TLL2: variants seen among roughly 807,000 people sequenced by gnomAD.
TLL2 encodes tolloid-like protein 2.
In TLL2, 106 loss-of-function variants were observed where a neutral mutation model predicts 123.0. That is an observed-to-expected ratio of 0.86 (90% CI 0.74 to 1.01). The LOEUF (loss-of-function observed/expected upper bound fraction) is 1.01, where lower values mean the gene tolerates loss of function less well. Ranked by LOEUF, TLL2 falls within the 50% of genes least tolerant of loss-of-function variation. The pLI is 0.00. For missense variants in TLL2, 1,332 were observed against 1,336.7 expected (o/e 1.00, Z 0.06); for synonymous variants, 494 against 516.8 (o/e 0.96, Z 0.60).
intron 1 of TLL2, among the ~76,000 whole-genome samples, chr10:96,501,342 C>T (rs1344358347): frequency 6.6e-6 from 1 of 152,180 alleles, no homozygotes; most frequent in Admixed American, 6.5e-5. Flanking sequence ...GGACCCCTCC[C>T]ACCCACAGAG....
chr10:96,368,055 A>T lies in TLL2; in HGVS notation c.*33T>A, dbSNP rs1846045863. On this transcript the variant is annotated 3_prime_UTR_variant, in exon 21 of 21. Coordinates refer to ENST00000357947, the MANE Select transcript of TLL2 (RefSeq NM_012465.4). ...TTAAAAACAAAACAAAACAAAAAAA[A>T]TTCTCAGTTTCTGTCTTTCAAGAAC... The T allele has an allele frequency of 6.2e-7, 1 of 1,609,828 alleles. No homozygotes were observed. Among genetic ancestry groups the T allele is most frequent in the Non-Finnish European group, 8.5e-7 (1 of 1,177,336 alleles).
In TLL2 at chr10:96,373,751, A is replaced by C; in HGVS notation, c.2507T>G (p.Met836Arg). The change falls in exon 19 of 21, where the codon ATG becomes AGG. Residue 836 changes from methionine (M) to arginine (R), a missense_variant. Physicochemically the swap from Met to Arg is moderately conservative, Grantham distance 91. Coordinates refer to ENST00000357947, the MANE Select transcript of TLL2 (RefSeq NM_012465.4). ...HQECAYDHLE[M>R]YDGPDSLAPI... ...GGCCAGGCTGTCCGGCCCGTCATAC[A>C]TTTCCAGGTGGTCATAGGCACATTC... 1.2e-6 allele frequency: 2 copies of C among 1,614,210 alleles called. No homozygotes were observed. Among genetic ancestry groups the C allele is most frequent in the South Asian group, 1.1e-5 (1 of 91,078 alleles).
rs546675600 is a variant in TLL2, at chr10:96,513,843, G to C, written c.-158C>G. ...AGGCGCGGAGCAAGCGGAGCGCGGC[G>C]CCCCCTGTCTTCGTCGAGGCAACCG... On this transcript the variant is annotated 5_prime_UTR_variant, in exon 1 of 21. Transcript: ENST00000357947. The C allele has an allele frequency of 7.5e-6, 6 of 799,470 alleles. No individual in the cohort carries two copies. In the South Asian group the frequency reaches 1.3e-4, roughly 17 times the overall value. The allele number at this position is 799,470 out of a possible 1,614,324, so 49.5% of individuals were successfully genotyped here. A position where few individuals can be genotyped will look rare whatever the true frequency, so the allele number is the denominator to read the frequency against.
intron 2 of TLL2, among the ~76,000 whole-genome samples, chr10:96,474,280 G>A (rs977256654): frequency 3.9e-5 from 6 of 152,104 alleles, no homozygotes; most frequent in Non-Finnish European, 7.4e-5. Context: ...TGGGCCCATC[G>A]GAGAATGGGG....
rs762651565 is a variant in TLL2, at chr10:96,384,723, G to A, written c.2058C>T (p.Pro686=). 1.4e-5 allele frequency: 22 copies of A among 1,610,348 alleles called. No individual in the cohort carries two copies. The highest frequency in any genetic ancestry group is 2.2e-5 in the East Asian group (1 of 44,700). ...DFVEVRSGLS[P]DAKLHGRFCG... ...AGAACCTGCCGTGCAGCTTGGCGTC[G>A]GGGGACAGGCCGCTGCGCACCTCTA... Residue 686 remains proline, a synonymous_variant, in exon 16 of 21, where the codon CCC becomes CCT. Coordinates refer to ENST00000357947, the MANE Select transcript of TLL2 (RefSeq NM_012465.4).
chr10:96,430,657 C>T (rs1170658782), intron 4 of TLL2, among the ~76,000 whole-genome samples: 1 of 152,210 alleles, frequency 6.6e-6, no homozygotes, highest in Admixed American at 6.5e-5. Context: ...AGGTGGATCC[C>T]TTAAGCTCAG....
At chr10:96,399,487 C>G (rs1846373047) in intron 10 of TLL2, among the ~76,000 whole-genome samples, 1 of 152,136 alleles carries the variant, frequency 6.6e-6, no homozygotes, top group Admixed American at 6.5e-5. Context: ...TCCTCTGCTT[C>G]CTTCCAATTC....
At chr10:96,455,549 C>T (rs1045619579) in intron 2 of TLL2, among the ~76,000 whole-genome samples, 9 of 151,774 alleles carry the variant, frequency 5.9e-5, no homozygotes, top group South Asian at 2.1e-4. Context: ...GGAAAGAAGC[C>T]GGCCCAAACC....
At position 96,395,281 on chromosome 10, in the gene TLL2, C is replaced by T. The variant is rs912653936; in HGVS notation, c.1632G>A (p.Pro544=). ...TGTTGGAGCTCGATTTCACATCCTCCGGCTTCTCATAGCCACAAAAGTGGC... is the reference window on the plus strand; with the variant it reads ...TGTTGGAGCTCGATTTCACATCCTCTGGCTTCTCATAGCCACAAAAGTGGC... ...LIGHFCGYEK[P]EDVKSSSNRL... The change falls in exon 13 of 21, where the codon CCG becomes CCA. Residue 544 remains proline, a synonymous_variant. Coordinates refer to ENST00000357947, the MANE Select transcript of TLL2 (RefSeq NM_012465.4). The T allele has an allele frequency of 9.3e-6, 15 of 1,613,902 alleles. No homozygotes were observed. The highest frequency in any genetic ancestry group is 3.3e-5 in the Admixed American group (2 of 59,986).
chr10:96,466,801 G>A (rs561940478), intron 2 of TLL2, among the ~76,000 whole-genome samples: 1 of 152,222 alleles, frequency 6.6e-6, no homozygotes, highest in Non-Finnish European at 1.5e-5. Flanking sequence ...AATCAGTAAT[G>A]TATGCAGCAG....
In TLL2 at chr10:96,370,131, G is replaced by A. The variant is rs1846066230; in HGVS notation, c.2847C>T (p.Asp949=). The part of the protein sequence containing the change: ...EVEEEADCGY[D]YMEAYDGYDS... ...CGTAGCCGTCGTAGGCTTCCATGTA[G>A]TCGTAGCCGCAGTCGGCCTCCTCCT... Residue 949 remains aspartate, a synonymous_variant, in exon 20 of 21, where the codon GAC becomes GAT. Transcript: ENST00000357947. 1.2e-6 allele frequency: 2 copies of A among 1,613,928 alleles called. No homozygotes were observed. Among genetic ancestry groups the A allele is most frequent in the Admixed American group, 3.3e-5 (2 of 60,002 alleles).
In TLL2 at chr10:96,373,786, C is replaced by G. The variant is rs758641828; in HGVS notation, c.2472G>C (p.Glu824Asp). The change falls in exon 19 of 21, where the codon GAG becomes GAC. Residue 824 changes from glutamate (E) to aspartate (D), a missense_variant. By Grantham distance (45) the Glu-to-Asp change is conservative (BLOSUM62 2). Transcript: ENST00000357947. ...VKLTFNEFEI[E>D]QHQECAYDHL... ...GGTCATAGGCACATTCCTGGTGCTG[C>G]TCGATCTCAAACTCATTAAAGGTCT... The G allele has an allele frequency of 6.2e-7, 1 of 1,613,944 alleles. No individual in the cohort carries two copies. The highest frequency in any genetic ancestry group is 8.5e-7 in the Non-Finnish European group (1 of 1,180,058).
chr10:96,482,151 C>G (rs1021081798), intron 1 of TLL2, among the ~76,000 whole-genome samples: 1 of 151,662 alleles, frequency 6.6e-6, no homozygotes, highest in African/African-American at 2.4e-5. Flanking sequence ...CCAGCTACTC[C>G]AGAGGCTGAG....
rs780941977 is a variant in TLL2, at chr10:96,395,284, C to T, written c.1629G>A (p.Lys543=). Residue 543 remains lysine, a synonymous_variant, in exon 13 of 21, where the codon AAG becomes AAA. Coordinates refer to ENST00000357947, the MANE Select transcript of TLL2 (RefSeq NM_012465.4). ...TGGAGCTCGATTTCACATCCTCCGG[C>T]TTCTCATAGCCACAAAAGTGGCCGA... The part of the protein sequence containing the change: ...ALIGHFCGYE[K]PEDVKSSSNR... 3.7e-6 allele frequency: 6 copies of T among 1,614,100 alleles called. No individual in the cohort carries two copies. Among genetic ancestry groups the T allele is most frequent in the South Asian group, 2.2e-5 (2 of 91,054 alleles).
At chr10:96,470,645 A>C (rs1012274034) in intron 2 of TLL2, among the ~76,000 whole-genome samples, 5 of 152,140 alleles carry the variant, frequency 3.3e-5, no homozygotes, top group African/African-American at 1.2e-4. Context: ...CTGTTTCTAG[A>C]AGCAATGGAG....
intron 19 of TLL2, 38 bp downstream of exon 19, chr10:96,373,558 T>G: frequency 6.3e-7 from 1 of 1,587,462 alleles, no homozygotes; most frequent in Non-Finnish European, 8.6e-7. Context: ...CCTGTCCAAG[T>G]GCTCATCAGG....
chr10:96,370,242 G>C lies in TLL2; in HGVS notation c.2736C>G (p.Asn912Lys). The change falls in exon 20 of 21, where the codon AAC becomes AAG. Residue 912 changes from asparagine to lysine, a missense_variant. Asn to Lys is a moderately conservative substitution (Grantham distance 94). Transcript: ENST00000357947. The stretch of plus-strand genomic sequence containing the variant: ...AGTCACAGCGGGCCTCGCTCGGGTA[G>C]TTGTTGTCCCCAAACTGGGCGTGGG... Reference protein sequence around the residue: ...LYSHAQFGDNNYPSEARCDWV... With the variant: ...LYSHAQFGDNKYPSEARCDWV... 6.2e-7 allele frequency: 1 copy of C among 1,613,530 alleles called. No individual in the cohort carries two copies. The highest frequency in any genetic ancestry group is 8.5e-7 in the Non-Finnish European group (1 of 1,179,670).
chr10:96,404,444 A>T (rs1310943505), intron 10 of TLL2, among the ~76,000 whole-genome samples: 3 of 152,226 alleles, frequency 2.0e-5, no homozygotes, highest in Non-Finnish European at 4.4e-5. Context: ...GAATACATTT[A>T]AAAAATACTC....
chr10:96,476,248 T>TTTTTTTTTTTTTTTTTTTGTTGTTG (rs1285354320), intron 2 of TLL2, among the ~76,000 whole-genome samples: 2 of 69,230 alleles, frequency 2.9e-5, no homozygotes, highest in South Asian at 4.8e-4. Flanking sequence ...ATATTTTATT[T>TTTTTTTTTTTTTTTTTTTGTTGTTG]TTGTTGTTGT....
Sources: allele counts gnomAD v4.1 joint callset (sites outside exome capture counted in the v4.1 genomes callset), GRCh38; gene constraint gnomAD v4.1.1; transcripts MANE v1.5; gene names NCBI Gene and HGNC (gene_info 2026-07-23, HGNC 2026-07-21).